IFIT1B: variants seen among roughly 807,000 people sequenced by gnomAD.
IFIT1B encodes interferon induced protein with tetratricopeptide repeats 1B.
Under a neutral mutation model 2.5 loss-of-function variants are expected in IFIT1B, and 3 were observed. That is an observed-to-expected ratio of 1.21 (90% CI 0.55 to 3.14). IFIT1B has a LOEUF of 3.14. Ranked by LOEUF, IFIT1B falls within the 30% of genes most tolerant of loss-of-function variation. IFIT1B has a pLI of 0.03. For synonymous variants in IFIT1B, 196 were observed against 203.0 expected (o/e 0.97, Z 0.29); for missense variants, 545 against 556.5 (o/e 0.98, Z 0.21).
In IFIT1B at chr10:89,384,467, G is replaced by T; in HGVS notation, c.1154G>T (p.Gly385Val). ...QLKQEIHYHY[G>V]RFQEHHGKSQ... ...AAGCAAGAGATTCATTACCACTACG[G>T]CCGTTTCCAAGAACATCATGGGAAA... Residue 385 changes from glycine (G) to valine (V), a missense_variant, in exon 2 of 2, where the codon GGC becomes GTC. Physicochemically the swap from Gly to Val is moderately radical, Grantham distance 109. Coordinates refer to ENST00000371809, the MANE Select transcript of IFIT1B (RefSeq NM_001010987.2). 1 of 1,614,122 alleles carries T rather than the reference G, an allele frequency of 6.2e-7. No individual in the cohort carries two copies.
Position 89,384,553 on chromosome 10 carries a change from T to A in IFIT1B, c.1240T>A (p.Ser414Thr), listed in dbSNP as rs756763025. ...TTTGAAAATAGAAAAAATGTCCCAT[T>A]CCAGGGAAAAACTTCTCAATGCTTT... ...KGLKIEKMSH[S>T]REKLLNALEK... The change falls in exon 2 of 2, where the codon TCC becomes ACC. Residue 414 changes from serine to threonine, a missense_variant. By Grantham distance (58) the Ser-to-Thr change is moderately conservative. Coordinates refer to ENST00000371809, the MANE Select transcript of IFIT1B (RefSeq NM_001010987.2). The A allele has an allele frequency of 4.3e-6, 7 of 1,614,130 alleles. No homozygotes were observed. Among genetic ancestry groups the A allele is most frequent in the Middle Eastern group, 3.3e-4 (2 of 6,062 alleles).
rs760956703 is a variant in IFIT1B at position 89,384,323 on chromosome 10, G to A, written c.1010G>A (p.Arg337Gln). 4.3e-6 allele frequency: 7 copies of A among 1,614,018 alleles called. No individual in the cohort carries two copies. The highest frequency in any genetic ancestry group is 1.3e-5 in the African/African-American group (1 of 74,898). ...TTTGAAAAGACTATAATGTTAAAGCGAACATTTGAGATGGCCTATGTTGAC... is the reference window on the plus strand; with the variant it reads ...TTTGAAAAGACTATAATGTTAAAGCAAACATTTGAGATGGCCTATGTTGAC... Reference protein sequence around the residue: ...CKFEKTIMLKRTFEMAYVDLA... With the variant: ...CKFEKTIMLKQTFEMAYVDLA... The change falls in exon 2 of 2, where the codon CGA becomes CAA. Residue 337 changes from arginine (R) to glutamine (Q), a missense_variant. Coordinates refer to ENST00000371809, the MANE Select transcript of IFIT1B (RefSeq NM_001010987.2).
rs1379488900 is a variant in IFIT1B, at chr10:89,378,121, T to C, written c.-15T>C. On this transcript the variant is annotated 5_prime_UTR_variant, in exon 1 of 2. Transcript: ENST00000371809. ...AACCAAAGCACTACAGATCACCTGCTATCTTCATAGCACCATGAGGTAAAG... is the reference window on the plus strand; with the variant it reads ...AACCAAAGCACTACAGATCACCTGCCATCTTCATAGCACCATGAGGTAAAG... 6.2e-7 allele frequency: 1 copy of C among 1,613,816 alleles called. No individual in the cohort carries two copies. Among genetic ancestry groups the C allele is most frequent in the Non-Finnish European group, 8.5e-7 (1 of 1,179,804 alleles).
chr10:89,383,904 G>A lies in IFIT1B; in HGVS notation c.591G>A (p.Arg197=). The part of the protein sequence containing the change: ...RLDKFNTASG[R]NKAFSLHVLK... Reference sequence around the variant, plus strand: ...ATAAATTTAACACAGCATCAGGGAGGAATAAGGCATTTTCTCTGCACGTCC... The same window carrying A: ...ATAAATTTAACACAGCATCAGGGAGAAATAAGGCATTTTCTCTGCACGTCC... The change falls in exon 2 of 2, where the codon AGG becomes AGA. Residue 197 remains arginine (R), a synonymous_variant. Coordinates refer to ENST00000371809, the MANE Select transcript of IFIT1B (RefSeq NM_001010987.2). 2 of 1,614,194 alleles carry A rather than the reference G, an allele frequency of 1.2e-6. No homozygotes were observed. Among genetic ancestry groups the A allele is most frequent in the East Asian group, 2.2e-5 (1 of 44,892 alleles).
At chr10:89,383,050 G>A (rs1844175081) in intron 1 of IFIT1B, among the ~76,000 whole-genome samples, 1 of 152,176 alleles carries the variant, frequency 6.6e-6, no homozygotes, top group Non-Finnish European at 1.5e-5. Flanking sequence ...AGATTATTTT[G>A]ATGTTAGCAG....
chr10:89,379,054 C>T (rs1044845717), intron 1 of IFIT1B, among the ~76,000 whole-genome samples: 1 of 152,120 alleles, frequency 6.6e-6, no homozygotes, highest in Non-Finnish European at 1.5e-5. Flanking sequence ...GAAGAAGCAG[C>T]TATTTTTATT....
rs574854855 is a variant in IFIT1B, at chr10:89,379,020, A to G, written c.5+880A>G. Reference sequence around the variant, plus strand: ...CATTGAGATCCTTTTAATATACAAAATACTCTTTTAGGCATCCAGGTGAGA... The same window carrying G: ...CATTGAGATCCTTTTAATATACAAAGTACTCTTTTAGGCATCCAGGTGAGA... On this transcript the variant is annotated intron_variant, in intron 1 of 1. Coordinates refer to ENST00000371809, the MANE Select transcript of IFIT1B (RefSeq NM_001010987.2). Among the ~76,000 whole-genome samples, 129 of 152,308 alleles carry G rather than the reference A, an allele frequency of 8.5e-4. 1 individual carries two copies. The highest frequency in any genetic ancestry group is 3.0e-3 in the African/African-American group (126 of 41,568).
chr10:89,385,038 C>T lies in IFIT1B; in HGVS notation c.*300C>T, dbSNP rs1382824167. On this transcript the variant is annotated 3_prime_UTR_variant, in exon 2 of 2. Coordinates refer to ENST00000371809, the MANE Select transcript of IFIT1B (RefSeq NM_001010987.2). ...GTAGTAACCGATCAAATTGCTATAA[C>T]GTGTGTACTGACCTTATGTGGAAAA... is the stretch of plus-strand genomic sequence containing the variant. The T allele has an allele frequency of 1.0e-5, 3 of 294,032 alleles. No individual in the cohort carries two copies. The highest frequency in any genetic ancestry group is 1.9e-5 in the Non-Finnish European group (3 of 156,656). 18.2% of individuals were successfully genotyped at this position (294,032 alleles called of 1,614,324 possible).
intron 1 of IFIT1B, among the ~76,000 whole-genome samples, chr10:89,382,133 G>T (rs141789788): frequency 1.3e-5 from 2 of 152,148 alleles, no homozygotes; most frequent in African/African-American, 4.8e-5. Flanking sequence ...TTTGTGATTA[G>T]ATTATGGTTA....
intron 1 of IFIT1B, among the ~76,000 whole-genome samples, 175 bp from the exon 2 acceptor site, chr10:89,383,144 T>C (rs75726206): frequency 0.013 from 1,955 of 152,346 alleles, 43 homozygotes; most frequent in East Asian, 0.092. Flanking sequence ...CCCCTTGGTT[T>C]TTATGTCAAC....
In IFIT1B at chr10:89,384,518, A is replaced by AT. The variant is rs1213932456; in HGVS notation, c.1208dup (p.Leu403PhefsTer25). On this transcript the variant is annotated frameshift_variant, in exon 2 of 2. Coordinates refer to ENST00000371809, the MANE Select transcript of IFIT1B (RefSeq NM_001010987.2). LOFTEE classifies it low-confidence loss of function (END_TRUNC). Reference sequence around the variant, plus strand: ...TCTCAAGATAAAGCAATTACCCATTATTTAAAAGGTTTGAAAATAGAAAAA... The same window carrying AT: ...TCTCAAGATAAAGCAATTACCCATTATTTTAAAAGGTTTGAAAATAGAAAAA... 1.2e-6 allele frequency: 2 copies of AT among 1,613,952 alleles called. No individual in the cohort carries two copies. Among genetic ancestry groups the AT allele is most frequent in the East Asian group, 2.2e-5 (1 of 44,904 alleles).
At chr10:89,380,329 C>A (rs957816790) in intron 1 of IFIT1B, among the ~76,000 whole-genome samples, 1 of 152,076 alleles carries the variant, frequency 6.6e-6, no homozygotes, top group African/African-American at 2.4e-5. Flanking sequence ...TTAAGTGGAG[C>A]TTAAGTGGAC....
At chr10:89,381,374 C>A (rs1844161504) in intron 1 of IFIT1B, among the ~76,000 whole-genome samples, 1 of 152,158 alleles carries the variant, frequency 6.6e-6, no homozygotes, top group Non-Finnish European at 1.5e-5. Context: ...ATTTTACTTA[C>A]TCCTGACCCC....
rs1298821656 is a variant in IFIT1B at position 89,383,323 on chromosome 10, G to T, written c.10G>T (p.Glu4Ter). Residue 4 changes from glutamate to a stop codon, truncating the protein, a stop_gained, in exon 2 of 2, where the codon GAA becomes TAA. Coordinates refer to ENST00000371809, the MANE Select transcript of IFIT1B (RefSeq NM_001010987.2). LOFTEE classifies it low-confidence loss of function (END_TRUNC). MSE[E>*]SDGKLIEDSL... is the part of the protein sequence containing the mutation. Reference sequence around the variant, plus strand: ...AATTGCTGCCTATTTTTACAGTGAAGAATCTGATGGAAAGCTTATTGAAGA... The same window carrying T: ...AATTGCTGCCTATTTTTACAGTGAATAATCTGATGGAAAGCTTATTGAAGA... 1 of 1,608,964 alleles carries T rather than the reference G, an allele frequency of 6.2e-7. No individual in the cohort carries two copies. The highest frequency in any genetic ancestry group is 8.5e-7 in the Non-Finnish European group (1 of 1,177,484).
At position 89,384,658 on chromosome 10, in the gene IFIT1B, T is replaced by C. The variant is rs146495283; in HGVS notation, c.1345T>C (p.Leu449=). Reference sequence around the variant, plus strand: ...CAGCCTCCTTGGGCTTATCCACAAATTGAAAGGAGAAGTAAGTGATGCTTT... The same window carrying C: ...CAGCCTCCTTGGGCTTATCCACAAACTGAAAGGAGAAGTAAGTGATGCTTT... The part of the protein sequence containing the change: ...SVSLLGLIHK[L]KGEVSDALLC... Residue 449 remains leucine (L), a synonymous_variant, in exon 2 of 2, where the codon TTG becomes CTG. Coordinates refer to ENST00000371809, the MANE Select transcript of IFIT1B (RefSeq NM_001010987.2). The C allele has an allele frequency of 2.0e-5, 32 of 1,614,080 alleles. No homozygotes were observed. The highest frequency in any genetic ancestry group is 2.5e-5 in the Non-Finnish European group (30 of 1,180,036).
chr10:89,383,685 T>C lies in IFIT1B; in HGVS notation c.372T>C (p.Thr124=). The change falls in exon 2 of 2, where the codon ACT becomes ACC. Residue 124 remains threonine (T), a synonymous_variant. Transcript: ENST00000371809. ...CTTACCTGGACAAGGTGGAGAACAC[T>C]TGCAAGAAGTTTGCAAATCCTTCCC... is the stretch of plus-strand genomic sequence containing the variant. The part of the protein sequence containing the change: ...AQTYLDKVEN[T]CKKFANPSRY... 1.2e-6 allele frequency: 2 copies of C among 1,614,218 alleles called. No individual in the cohort carries two copies. The highest frequency in any genetic ancestry group is 1.7e-6 in the Non-Finnish European group (2 of 1,180,038).
At chr10:89,379,728 C>A (rs563643093) in intron 1 of IFIT1B, among the ~76,000 whole-genome samples, 2 of 152,162 alleles carry the variant, frequency 1.3e-5, no homozygotes, top group African/African-American at 4.8e-5. Flanking sequence ...ATATAACGGG[C>A]TCCTGGTCAT....
intron 1 of IFIT1B, among the ~76,000 whole-genome samples, chr10:89,378,741 G>C (rs921481184): frequency 6.6e-5 from 10 of 152,228 alleles, no homozygotes; most frequent in Non-Finnish European, 1.3e-4. Context: ...AGAGGGGCAA[G>C]ATGAGAATAT....
Position 89,383,352 on chromosome 10 carries a change from C to T in IFIT1B, c.39C>T (p.Ser13=). The T allele has an allele frequency of 6.2e-7, 1 of 1,613,900 alleles. No individual in the cohort carries two copies. The highest frequency in any genetic ancestry group is 8.5e-7 in the Non-Finnish European group (1 of 1,179,912). The change falls in exon 2 of 2, where the codon AGC becomes AGT. Residue 13 remains serine (S), a synonymous_variant. Transcript: ENST00000371809. ...CTGATGGAAAGCTTATTGAAGACAG[C>T]CTGATTCAGCTGAGATGTCACTTTA... The part of the protein sequence containing the change: ...EESDGKLIED[S]LIQLRCHFTW...
Sources: allele counts gnomAD v4.1 joint callset (sites outside exome capture counted in the v4.1 genomes callset), GRCh38; gene constraint gnomAD v4.1.1; transcripts MANE v1.5; gene names NCBI Gene and HGNC (gene_info 2026-07-23, HGNC 2026-07-21).